Variants in SLC9A2 observed in about 807,000 individuals in gnomAD.
SLC9A2 encodes the protein sodium/hydrogen exchanger 2.
SLC9A2 carries 42 observed loss-of-function variants against 71.7 expected under a neutral mutation model. That is an observed-to-expected ratio of 0.59 (90% CI 0.46 to 0.76). SLC9A2 has a LOEUF of 0.76. Ranked by LOEUF, SLC9A2 falls within the 30% of genes least tolerant of loss-of-function variation. The probability of loss-of-function intolerance (pLI) is 0.00; values close to 1 mark genes in which losing one functional copy is unlikely to be tolerated. For synonymous variants in SLC9A2, 396 were observed against 392.5 expected (o/e 1.01, Z -0.10); for missense variants, 829 against 1,017.4 (o/e 0.81, Z 2.52).
Position 102,705,902 on chromosome 2 carries a change from A to T in SLC9A2, c.2034A>T (p.Glu678Asp). 1 of 1,606,518 alleles carries T rather than the reference A, an allele frequency of 6.2e-7. No individual in the cohort carries two copies. Among genetic ancestry groups the T allele is most frequent in the Non-Finnish European group, 8.5e-7 (1 of 1,176,348 alleles). The part of the protein sequence containing the change: ...LSLPKNTKLP[E>D]KLQKRRTISI... ...TACCTAAAAATACGAAGCTTCCAGA[A>T]AAGCTACAAAAGAGGAGGACTATTT... The change falls in exon 11 of 12, where the codon GAA becomes GAT. Residue 678 changes from glutamate to aspartate, a missense_variant. Physicochemically the swap from Glu to Asp is conservative, Grantham distance 45 (BLOSUM62 2). Around this residue, in one of 3 missense-constraint regions of SLC9A2, gnomAD observed 223 missense variants for 197.5 expected, o/e 1.13. Transcript: ENST00000233969.
chr2:102,666,798 A>G (rs1422877622), intron 3 of SLC9A2, among the ~76,000 whole-genome samples: 1 of 152,108 alleles, frequency 6.6e-6, no homozygotes, highest in Non-Finnish European at 1.5e-5. Context: ...TTAGTAATGG[A>G]ATGCTTTTAC....
chr2:102,633,576 C>T (rs2104502645), intron 1 of SLC9A2, among the ~76,000 whole-genome samples: 1 of 152,238 alleles, frequency 6.6e-6, no homozygotes, highest in East Asian at 1.9e-4. Flanking sequence ...AAGTACACTG[C>T]AACCCAAAAG....
rs191759209 is a variant in SLC9A2, at chr2:102,638,681, G to C, written c.289+18544G>C. Among the ~76,000 whole-genome samples the C allele has an allele frequency of 2.8e-3, 420 of 152,322 alleles. 5 individuals carry two copies. The highest frequency in any genetic ancestry group is 8.9e-3 in the African/African-American group (371 of 41,572). The stretch of plus-strand genomic sequence containing the variant: ...CTTCTCAGCCTTTTGATCAAGTGTG[G>C]AGATGCACTTTCTTTAAAAATGTGT... On this transcript the variant is annotated intron_variant, in intron 1 of 11. Transcript: ENST00000233969.
At chr2:102,695,753 A>C (rs1344623312) in intron 7 of SLC9A2, among the ~76,000 whole-genome samples, 1 of 140,096 alleles carries the variant, frequency 7.1e-6, no homozygotes, top group Non-Finnish European at 1.5e-5. Flanking sequence ...GAGCAGAAAT[A>C]ACGTGTATAT....
intron 3 of SLC9A2, among the ~76,000 whole-genome samples, chr2:102,671,064 C>A (rs1438525960): frequency 6.6e-6 from 1 of 152,084 alleles, no homozygotes; most frequent in Non-Finnish European, 1.5e-5. Flanking sequence ...TATGACGCAT[C>A]ATGTTTATAA....
chr2:102,704,632 G>A lies in SLC9A2; in HGVS notation c.1934G>A (p.Arg645Gln), dbSNP rs774215076. 2 of 1,613,382 alleles carry A rather than the reference G, an allele frequency of 1.2e-6. No individual in the cohort carries two copies. Among genetic ancestry groups the A allele is most frequent in the African/African-American group, 2.7e-5 (2 of 74,868 alleles). The change falls in exon 10 of 12, where the codon CGA becomes CAA. Residue 645 changes from arginine to glutamine, a missense_variant. Coordinates refer to ENST00000233969, the MANE Select transcript of SLC9A2 (RefSeq NM_003048.6). Reference sequence around the variant, plus strand: ...CTGATTCGCCGGCGACACAGTTTGCGAGAAAGCATTAGGAAGGACAGCAGC... The same window carrying A: ...CTGATTCGCCGGCGACACAGTTTGCAAGAAAGCATTAGGAAGGACAGCAGC... ...EILIRRRHSL[R>Q]ESIRKDSSLN...
chr2:102,677,263 A>G (rs1277289110), intron 3 of SLC9A2, among the ~76,000 whole-genome samples: 1 of 150,712 alleles, frequency 6.6e-6, no homozygotes, highest in Non-Finnish European at 1.5e-5. Flanking sequence ...TTTAAGTAGA[A>G]AGGAAAGTCT....
intron 3 of SLC9A2, among the ~76,000 whole-genome samples, chr2:102,666,194 C>CTT (rs1266703500): frequency 0.16 from 18,621 of 119,290 alleles, 2,191 homozygotes; most frequent in South Asian, 0.28. Flanking sequence ...TCCAGTTTAG[C>CTT]TTTTTTTTTT....
At chr2:102,661,651 A>AAT (rs1468838282) in intron 2 of SLC9A2, among the ~76,000 whole-genome samples, 1 of 152,166 alleles carries the variant, frequency 6.6e-6, no homozygotes, top group Non-Finnish European at 1.5e-5. Flanking sequence ...TCCTAATGTT[A>AAT]ATATATATAT....
intron 1 of SLC9A2, among the ~76,000 whole-genome samples, chr2:102,642,520 C>G (rs1676604112): frequency 6.6e-6 from 1 of 151,684 alleles, no homozygotes; most frequent in African/African-American, 2.4e-5. Flanking sequence ...CTGGAATAAA[C>G]TTCACTTGAT....
chr2:102,697,168 G>A (rs1299916443), intron 7 of SLC9A2, among the ~76,000 whole-genome samples: 1 of 152,114 alleles, frequency 6.6e-6, no homozygotes, highest in Non-Finnish European at 1.5e-5. Context: ...TGAGTGTTAG[G>A]TTCAAGATAT....
chr2:102,631,363 G>C (rs1181867941), intron 1 of SLC9A2, among the ~76,000 whole-genome samples: 1 of 151,404 alleles, frequency 6.6e-6, no homozygotes, highest in Non-Finnish European at 1.5e-5. Context: ...AATTTCTTCA[G>C]GAGCCCTTTC....
At chr2:102,687,178 G>A (rs1301515456) in intron 5 of SLC9A2, among the ~76,000 whole-genome samples, 1 of 152,106 alleles carries the variant, frequency 6.6e-6, no homozygotes, top group East Asian at 1.9e-4. Flanking sequence ...CTACCCTTCT[G>A]TGTGCACAGA....
intron 1 of SLC9A2, among the ~76,000 whole-genome samples, chr2:102,643,068 T>G (rs1676641155): frequency 6.6e-6 from 1 of 152,218 alleles, no homozygotes; most frequent in Non-Finnish European, 1.5e-5. Flanking sequence ...CTACAGGGTC[T>G]GTAGTGATAC....
Position 102,705,941 on chromosome 2 carries a change from T to C in SLC9A2, c.2068+5T>C. 2 of 1,533,798 alleles carry C rather than the reference T, an allele frequency of 1.3e-6. No individual in the cohort carries two copies. The highest frequency in any genetic ancestry group is 8.9e-7 in the Non-Finnish European group (1 of 1,125,546). On this transcript the variant is annotated splice_donor_5th_base_variant and intron_variant, in intron 11 of 11. Coordinates refer to ENST00000233969, the MANE Select transcript of SLC9A2 (RefSeq NM_003048.6). ...GGAGGACTATTTCTATTGCAGGTAG[T>C]GAATATAGTTGGAGCAGAAAAATTT...
Position 102,702,601 on chromosome 2 carries a change from C to T in SLC9A2, c.1845+99C>T, listed in dbSNP as rs552487662. 4 of 698,244 alleles carry T rather than the reference C, an allele frequency of 5.7e-6. No individual in the cohort carries two copies. The African/African-American group carries it at 7.2e-5, about 13-fold the overall frequency. 43.3% of individuals were successfully genotyped at this position (698,244 alleles called of 1,614,324 possible). On this transcript the variant is annotated intron_variant, in intron 9 of 11. Coordinates refer to ENST00000233969, the MANE Select transcript of SLC9A2 (RefSeq NM_003048.6). ...CTGGAGGCTGCATCTTGACACTGGGCTCAGCAGGTCCCATGCTGGGCATCT... is the reference window on the plus strand; with the variant it reads ...CTGGAGGCTGCATCTTGACACTGGGTTCAGCAGGTCCCATGCTGGGCATCT...
Position 102,644,274 on chromosome 2 carries a change from G to A in SLC9A2, c.290-13290G>A, listed in dbSNP as rs531276542. 2.0e-5 allele frequency among the ~76,000 whole-genome samples: 3 copies of A among 152,262 alleles called. No individual in the cohort carries two copies. In the East Asian group the frequency reaches 5.8e-4, roughly 30 times the overall value. On this transcript the variant is annotated intron_variant, in intron 1 of 11. Coordinates refer to ENST00000233969, the MANE Select transcript of SLC9A2 (RefSeq NM_003048.6). ...GCCAAAGGACGCTGTGAGGGACTGT[G>A]CATTCTGGCCCAGATACTACACTTT... is the stretch of plus-strand genomic sequence containing the variant.
chr2:102,621,355 A>G (rs1461974731), intron 1 of SLC9A2, among the ~76,000 whole-genome samples: 12 of 147,964 alleles, frequency 8.1e-5, no homozygotes, highest in African/African-American at 3.1e-4. Context: ...TCTCAGGGAA[A>G]AAAAAAAAAA....
At chr2:102,648,164 C>T (rs1053192427) in intron 1 of SLC9A2, among the ~76,000 whole-genome samples, 1 of 152,098 alleles carries the variant, frequency 6.6e-6, no homozygotes, top group African/African-American at 2.4e-5. Flanking sequence ...TGGCTTCATC[C>T]CTGGGATGCA....
Sources: gnomAD v4.1 joint callset for allele counts (sites outside exome capture counted in the v4.1 genomes callset) on GRCh38, gnomAD v4.1.1 for gene constraint, gnomAD v4.1.1 regional missense constraint, MANE v1.5 for transcripts, NCBI Gene and HGNC (gene_info 2026-07-23, HGNC 2026-07-21) for gene names.